Variants in ACSS2 observed in about 807,000 individuals in gnomAD.
ACSS2 encodes acetyl-coenzyme A synthetase, cytoplasmic.
Under a neutral mutation model 90.6 loss-of-function variants are expected in ACSS2, and 58 were observed. That is an observed-to-expected ratio of 0.64 (90% CI 0.52 to 0.80). The LOEUF is 0.80. Ranked by LOEUF, ACSS2 falls within the 30% of genes least tolerant of loss-of-function variation. The pLI is 0.00. For synonymous variants in ACSS2, 300 were observed against 330.9 expected, an observed-to-expected ratio of 0.91 and a Z score of 1.01; for missense variants, 759 against 912.0, an observed-to-expected ratio of 0.83 and a Z score of 2.16.
chr20:34,911,925 C>T (rs1312306760), intron 2 of ACSS2, among the ~76,000 whole-genome samples: 4 of 152,144 alleles, frequency 2.6e-5, no homozygotes, highest in Non-Finnish European at 5.9e-5. Flanking sequence ...TCAAGCTATT[C>T]TCCTGCCTCA....
intron 2 of ACSS2, among the ~76,000 whole-genome samples, chr20:34,899,426 CCTTCCTTCCTTCCTTCCT>C (rs1363088904): frequency 8.3e-6 from 1 of 120,122 alleles, no homozygotes; most frequent in Non-Finnish European, 1.7e-5. Context: ...TTCTTTCTTT[CCTTCCTTCCTTCCTTCCT>C]TCCTTCCTTC....
At position 34,909,718 on chromosome 20, in the gene ACSS2, CT is replaced by C. The variant is rs879749574; in HGVS notation, c.375-3362del. Among the ~76,000 whole-genome samples, 1,133 of 137,782 alleles carry C rather than the reference CT, an allele frequency of 8.2e-3. 2 individuals carry two copies. Among genetic ancestry groups the C allele is most frequent in the African/African-American group, 0.018 (682 of 37,742 alleles). The allele number at this position is 137,782 out of a possible 152,430, so 90.4% of individuals were successfully genotyped here. A position where few individuals can be genotyped will look rare whatever the true frequency, so the allele number is the denominator to read the frequency against. ...CTCTTTTCTGAACAACATTAAAATC[CT>C]TTTTTTTTTTTTTTTGAGACAAAGT... On this transcript the variant is annotated intron_variant, in intron 2 of 17. Coordinates refer to ENST00000360596, the MANE Select transcript of ACSS2 (RefSeq NM_018677.4).
At chr20:34,875,381 C>G (rs571081123), upstream of ACSS2, among the ~76,000 whole-genome samples, 66 of 152,268 alleles carry the variant, frequency 4.3e-4, no homozygotes, top group African/African-American at 1.6e-3. Context: ...CCAGCCTGGA[C>G]AACATGGTGA....
At chr20:34,925,821 C>A (rs2081306402) in intron 15 of ACSS2, 55 bp downstream of exon 15, 1 of 1,570,752 alleles carries the variant, frequency 6.4e-7, no homozygotes, top group Non-Finnish European at 8.7e-7. Context: ...CTGACAACAC[C>A]CAGCCGAAGC....
intron 2 of ACSS2, among the ~76,000 whole-genome samples, chr20:34,888,009 G>T (rs578176698): frequency 7.2e-6 from 1 of 138,652 alleles, no homozygotes; most frequent in Non-Finnish European, 1.5e-5. Context: ...GACAGAGGTT[G>T]CAGTGAGCCG....
At chr20:34,900,992 C>T (rs1401100091) in intron 2 of ACSS2, among the ~76,000 whole-genome samples, 1 of 152,188 alleles carries the variant, frequency 6.6e-6, no homozygotes, top group African/African-American at 2.4e-5. Flanking sequence ...ATGGAAGCCA[C>T]TAGCTACATG....
rs746685443 is a variant in ACSS2 at position 34,921,592 on chromosome 20, G to A, written c.1459G>A (p.Gly487Ser). The A allele has an allele frequency of 2.0e-5, 33 of 1,614,098 alleles. No individual in the cohort carries two copies. The highest frequency in any genetic ancestry group is 2.6e-5 in the Non-Finnish European group (31 of 1,180,034). ...PLPGATPMKP[G>S]SATFPFFGVA... ...TCCTGGTGCCACACCCATGAAACCC[G>A]GTTCTGCTGTGAGTGATGCTTCCCT... The change falls in exon 12 of 18, where the codon GGT becomes AGT. Residue 487 changes from glycine to serine, a missense_variant. Gly to Ser is a moderately conservative substitution (Grantham distance 56). Transcript: ENST00000360596.
chr20:34,921,834 G>C lies in ACSS2; in HGVS notation c.1516G>C (p.Glu506Gln), dbSNP rs955635187. The C allele has an allele frequency of 6.2e-7, 1 of 1,613,962 alleles. No individual in the cohort carries two copies. Among genetic ancestry groups the C allele is most frequent in the African/African-American group, 1.3e-5 (1 of 74,926 alleles). Residue 506 changes from glutamate to glutamine, a missense_variant, in exon 13 of 18, where the codon GAA becomes CAA. Coordinates refer to ENST00000360596, the MANE Select transcript of ACSS2 (RefSeq NM_018677.4). Reference sequence around the variant, plus strand: ...TCCTGCAATCCTGAATGAGTCCGGGGAAGAGTTGGAAGGTGAAGCTGAAGG... The same window carrying C: ...TCCTGCAATCCTGAATGAGTCCGGGCAAGAGTTGGAAGGTGAAGCTGAAGG... ...VAPAILNESG[E>Q]ELEGEAEGYL...
intron 5 of ACSS2, 93 bp downstream of exon 5, chr20:34,913,918 G>A (rs1164989458): frequency 9.1e-6 from 13 of 1,425,104 alleles, no homozygotes; most frequent in Non-Finnish European, 1.3e-5. Flanking sequence ...ACTCAGCATA[G>A]AGGGTAGAGA....
intron 2 of ACSS2, chr20:34,908,873 A>AG (rs1469174426): frequency 4.7e-6 from 2 of 421,090 alleles, no homozygotes; most frequent in Admixed American, 6.1e-5. Flanking sequence ...GGAAAAAAAA[A>AG]AAAAAAAAGC....
At chr20:34,921,729 G>A in intron 12 of ACSS2, 57 bp from the exon 13 acceptor site, 5 of 1,609,136 alleles carry the variant, frequency 3.1e-6, no homozygotes, top group East Asian at 4.5e-5. Context: ...CCCCTTGGGA[G>A]TTGAGTCAGA....
Position 34,921,526 on chromosome 20 carries a change from C to A in ACSS2, c.1411-18C>A. 6.2e-7 allele frequency: 1 copy of A among 1,614,220 alleles called. No individual in the cohort carries two copies. Among genetic ancestry groups the A allele is most frequent in the Non-Finnish European group, 8.5e-7 (1 of 1,180,036 alleles). On this transcript the variant is annotated intron_variant, in intron 11 of 17. Transcript: ENST00000360596. The stretch of plus-strand genomic sequence containing the variant: ...TGTGGGAAGATTGACTCAAATTTCT[C>A]ATCTCTGACTTCCCCAGGGTGGCCA...
At chr20:34,897,761 G>A (rs1355895446) in intron 2 of ACSS2, among the ~76,000 whole-genome samples, 2 of 151,986 alleles carry the variant, frequency 1.3e-5, no homozygotes, top group African/African-American at 2.4e-5. Flanking sequence ...CCCAGGAGAC[G>A]GAGGTTGCAG....
chr20:34,889,267 C>T (rs1303321911), intron 2 of ACSS2, among the ~76,000 whole-genome samples: 4 of 151,802 alleles, frequency 2.6e-5, no homozygotes, highest in Admixed American at 6.6e-5. Flanking sequence ...GTACTACAGG[C>T]GCCCGCCACC....
chr20:34,899,077 G>GGGCC (rs1449582187), intron 2 of ACSS2, among the ~76,000 whole-genome samples: 1 of 152,206 alleles, frequency 6.6e-6, no homozygotes, highest in Non-Finnish European at 1.5e-5. Context: ...GGGGCCGGCA[G>GGGCC]GGCCGGCCGG....
intron 2 of ACSS2, among the ~76,000 whole-genome samples, chr20:34,899,923 A>G (rs564695164): frequency 6.6e-6 from 1 of 152,178 alleles, no homozygotes; most frequent in African/African-American, 2.4e-5. Context: ...TCTTGGGTAT[A>G]TAGCTAGGAG....
intron 2 of ACSS2, among the ~76,000 whole-genome samples, chr20:34,888,932 A>G (rs1354295201): frequency 6.6e-6 from 1 of 152,018 alleles, no homozygotes; most frequent in East Asian, 1.9e-4. Flanking sequence ...AGGATATTAG[A>G]TCATGTCACA....
chr20:34,925,666 TTTTA>T (rs760477465), intron 14 of ACSS2, 28 bp from the exon 15 acceptor site: 11 of 1,602,672 alleles, frequency 6.9e-6, no homozygotes, highest in Non-Finnish European at 8.5e-6. Flanking sequence ...ACCGTAGGGT[TTTTA>T]TTTATTAGGT....
intron 2 of ACSS2, chr20:34,893,468 G>C (rs537829210): frequency 6.6e-6 from 1 of 152,116 alleles, no homozygotes; most frequent in Non-Finnish European, 1.5e-5. Context: ...TGCCTCCTGG[G>C]TTCAAGCAAT....
Sources: allele counts gnomAD v4.1 joint callset (sites outside exome capture counted in the v4.1 genomes callset), GRCh38; gene constraint gnomAD v4.1.1; transcripts MANE v1.5; gene names NCBI Gene and HGNC (gene_info 2026-07-23, HGNC 2026-07-21).